The following DGCR8 variants were observed in gnomAD, a reference collection of about 807,000 sequenced individuals.
DGCR8 encodes the protein DGCR8 microprocessor complex subunit, also known as microprocessor complex subunit DGCR8.
DGCR8 carries 14 observed loss-of-function variants against 78.5 expected under a neutral mutation model. The observed-to-expected ratio is 0.18, with a 90% CI of 0.12 to 0.28. The LOEUF (loss-of-function observed/expected upper bound fraction) is 0.28, where lower values mean the gene tolerates loss of function less well. Ranked by LOEUF, DGCR8 falls within the 10% of genes least tolerant of loss-of-function variation. The probability of loss-of-function intolerance (pLI) is 1.00; values close to 1 mark genes in which losing one functional copy is unlikely to be tolerated. For synonymous variants in DGCR8, 399 were observed against 402.4 expected (o/e 0.99, Z 0.10); for missense variants, 702 against 1,022.5 (o/e 0.69, Z 4.28).
chr22:20,111,605 C>T lies in DGCR8; in HGVS notation c.*1497C>T, dbSNP rs576450399. The T allele has an allele frequency of 7.1e-5, 27 of 379,308 alleles. No individual in the cohort carries two copies. The highest frequency in any genetic ancestry group is 2.9e-4 in the South Asian group (2 of 6,836). The allele number at this position is 379,308 out of a possible 1,614,324, so 23.5% of individuals were successfully genotyped here. Reference sequence around the variant, plus strand: ...CAGATGCGCCTGTGAACCAAAGCTTCGTGCACATGTGTTCCCCTAAAGGTT... The same window carrying T: ...CAGATGCGCCTGTGAACCAAAGCTTTGTGCACATGTGTTCCCCTAAAGGTT... On this transcript the variant is annotated 3_prime_UTR_variant, in exon 14 of 14. Coordinates refer to ENST00000351989, the MANE Select transcript of DGCR8 (RefSeq NM_022720.7).
rs2049815282 is a variant in DGCR8, at chr22:20,109,920, A to G, written c.2239-105A>G. On this transcript the variant is annotated intron_variant, in intron 13 of 13. Coordinates refer to ENST00000351989, the MANE Select transcript of DGCR8 (RefSeq NM_022720.7). ...CAAGCACTGGTGCCGTTGGGGCTCC[A>G]GGGCCTCCTGGCATGATCTGCTGGG... 5.3e-6 allele frequency: 6 copies of G among 1,133,554 alleles called. No homozygotes were observed. The South Asian group carries it at 6.7e-5, about 13-fold the overall frequency. The allele number at this position is 1,133,554 out of a possible 1,614,324, so 70.2% of individuals were successfully genotyped here.
At chr22:20,105,638 A>G (rs529458469) in intron 9 of DGCR8, among the ~76,000 whole-genome samples, 83 of 152,338 alleles carry the variant, frequency 5.4e-4, no homozygotes, top group African/African-American at 2.0e-3. Context: ...CTGCAGAGCC[A>G]GGGTGATGAC....
intron 9 of DGCR8, chr22:20,100,456 C>T: frequency 1.0e-6 from 1 of 985,388 alleles, no homozygotes; most frequent in African/African-American, 1.7e-5. Context: ...TTGCGTAGAC[C>T]CTGGCCCACC....
chr22:20,105,215 T>C (rs2049755487), intron 9 of DGCR8, among the ~76,000 whole-genome samples: 1 of 152,162 alleles, frequency 6.6e-6, no homozygotes, highest in Admixed American at 6.5e-5. Context: ...TAGTAGTCCA[T>C]ATGAAAATCG....
intron 9 of DGCR8, among the ~76,000 whole-genome samples, chr22:20,103,263 A>G: frequency 6.6e-6 from 1 of 152,058 alleles, no homozygotes; most frequent in East Asian, 1.9e-4. Flanking sequence ...CTGTTCATTT[A>G]TTTAGGTCTT....
intron 5 of DGCR8, among the ~76,000 whole-genome samples, chr22:20,090,483 G>A (rs1489888864): frequency 5.3e-5 from 8 of 152,238 alleles, no homozygotes; most frequent in Admixed American, 2.0e-4. Flanking sequence ...TGTCTGCATG[G>A]CTGAGGCTGC....
intron 9 of DGCR8, among the ~76,000 whole-genome samples, chr22:20,103,990 T>G (rs1191008328): frequency 2.6e-5 from 4 of 152,210 alleles, no homozygotes; most frequent in Non-Finnish European, 5.9e-5. Flanking sequence ...ACTGATTGCT[T>G]AGGTTTCTCC....
Position 20,089,982 on chromosome 22 carries a change from G to T in DGCR8, c.1030G>T (p.Asp344Tyr). Reference sequence around the variant, plus strand: ...GCAATTTCACTATCCACAGAAACACGACCCTCCTCTGAGTAGCATCCCTTG... The same window carrying T: ...GCAATTTCACTATCCACAGAAACACTACCCTCCTCTGAGTAGCATCCCTTG... ...FLGTGSIRKH[D>Y]PPLSSIPCLH... The change falls in exon 5 of 14, where the codon GAC becomes TAC. Residue 344 changes from aspartate (D) to tyrosine (Y), a missense_variant. Asp to Tyr is a radical substitution (Grantham distance 160). This residue lies in a region of DGCR8 where 119 missense variants were observed against 126.1 expected (regional missense o/e 0.94). Coordinates refer to ENST00000351989, the MANE Select transcript of DGCR8 (RefSeq NM_022720.7). This position sits in a 1 kb window ranked among gnomAD's most constrained non-coding sequence, Gnocchi z 4.9. The T allele has an allele frequency of 1.2e-6, 2 of 1,606,586 alleles. No homozygotes were observed. The highest frequency in any genetic ancestry group is 2.2e-5 in the East Asian group (1 of 44,762).
chr22:20,095,991 C>G (rs2147928598), intron 9 of DGCR8, among the ~76,000 whole-genome samples: 1 of 152,188 alleles, frequency 6.6e-6, no homozygotes, highest in South Asian at 2.1e-4. Flanking sequence ...AGACAGAGCT[C>G]AGGTGTAAAA....
chr22:20,083,961 T>G (rs892771819), intron 1 of DGCR8, among the ~76,000 whole-genome samples: 1 of 152,194 alleles, frequency 6.6e-6, no homozygotes, highest in African/African-American at 2.4e-5. Flanking sequence ...GATGGACACA[T>G]CTTTGGGAAC....
intron 12 of DGCR8, 121 bp from the exon 13 acceptor site, chr22:20,108,769 T>C (rs1025270127): frequency 1.3e-5 from 2 of 150,514 alleles, no homozygotes; most frequent in Non-Finnish European, 2.4e-5. Context: ...CCTGGCTGTT[T>C]CGTGTCTGCC....
In DGCR8 at chr22:20,109,998, T is replaced by C. The variant is rs752850008; in HGVS notation, c.2239-27T>C. Reference sequence around the variant, plus strand: ...GCCTCTGCCAAGCCCACCTCACTGGTACCCCTGACCTTTGTTGTTCTTTCA... The same window carrying C: ...GCCTCTGCCAAGCCCACCTCACTGGCACCCCTGACCTTTGTTGTTCTTTCA... On this transcript the variant is annotated intron_variant, in intron 13 of 13. Transcript: ENST00000351989. 1.8e-5 allele frequency: 29 copies of C among 1,611,774 alleles called. No homozygotes were observed. The East Asian group carries it at 4.2e-4, about 24-fold the overall frequency.
chr22:20,109,774 G>A (rs1193465229), intron 13 of DGCR8, among the ~76,000 whole-genome samples: 1 of 152,224 alleles, frequency 6.6e-6, no homozygotes, highest in Non-Finnish European at 1.5e-5. Flanking sequence ...TTCACTTCTT[G>A]GTACATGTCC....
intron 9 of DGCR8, chr22:20,101,298 T>A: frequency 1.0e-6 from 1 of 985,270 alleles, no homozygotes; most frequent in African/African-American, 1.7e-5. Context: ...ATCTGTGGGC[T>A]GGGCGCGGTG....
At chr22:20,109,555 C>A (rs2049810414) in intron 13 of DGCR8, among the ~76,000 whole-genome samples, 2 of 152,228 alleles carry the variant, frequency 1.3e-5, no homozygotes, top group Admixed American at 1.3e-4. Flanking sequence ...GCCAGCAGGT[C>A]CCTTGCTGCT....
chr22:20,084,952 C>T (rs1441233895), intron 1 of DGCR8: 4 of 984,654 alleles, frequency 4.1e-6, no homozygotes, highest in Non-Finnish European at 4.8e-6. Context: ...GTCCCCAGGG[C>T]GGAACGGGCT....
At position 20,092,920 on chromosome 22, in the gene DGCR8, C is replaced by G; in HGVS notation, c.1705+13C>G. 2 of 1,607,620 alleles carry G rather than the reference C, an allele frequency of 1.2e-6. No homozygotes were observed. The highest frequency in any genetic ancestry group is 1.7e-6 in the Non-Finnish European group (2 of 1,174,828). On this transcript the variant is annotated intron_variant, in intron 8 of 13. Transcript: ENST00000351989. Reference sequence around the variant, plus strand: ...AAGAATAAAGCTGGTAACGTGCTTGCTTGGGTGTCAAAGATACGTGCTGCC... The same window carrying G: ...AAGAATAAAGCTGGTAACGTGCTTGGTTGGGTGTCAAAGATACGTGCTGCC...
intron 1 of DGCR8, among the ~76,000 whole-genome samples, chr22:20,082,437 C>T (rs1334319858): frequency 4.7e-5 from 7 of 150,182 alleles, no homozygotes; most frequent in Non-Finnish European, 1.0e-4. Context: ...TGCGATCTCC[C>T]GCTCACTGTA....
intron 8 of DGCR8, 141 bp from the exon 9 acceptor site, chr22:20,094,572 A>C: frequency 1.4e-6 from 1 of 734,224 alleles, no homozygotes; most frequent in Non-Finnish European, 2.4e-6. Context: ...TGACCCTGTC[A>C]CTGAAGTGCT....
Sources: allele counts gnomAD v4.1 joint callset (sites outside exome capture counted in the v4.1 genomes callset), GRCh38; gene constraint gnomAD v4.1.1; regional missense constraint gnomAD v4.1.1; non-coding constraint Gnocchi (gnomAD v3.1); transcripts MANE v1.5; gene names NCBI Gene and HGNC (gene_info 2026-07-23, HGNC 2026-07-21).